Variants in MBNL2 observed in about 807,000 individuals in gnomAD.
The protein encoded by MBNL2 is muscleblind-like protein 2.
Under a neutral mutation model 41.9 loss-of-function variants are expected in MBNL2, and 17 were observed. The ratio of observed to expected loss-of-function variants is 0.41; its 90% CI spans 0.28 to 0.61. The LOEUF (loss-of-function observed/expected upper bound fraction) is 0.61. Among genes scored for constraint, MBNL2 ranks in the 20% least tolerant of loss-of-function variants. The pLI, the probability that MBNL2 is intolerant of heterozygous loss-of-function variation, is 0.35. For missense variants in MBNL2, 336 were observed against 505.6 expected, an observed-to-expected ratio of 0.66 and a Z score of 3.22; for synonymous variants, 195 against 182.9, an observed-to-expected ratio of 1.07 and a Z score of -0.53.
At chr13:97,329,265 G>A (rs912921862) in intron 2 of MBNL2, among the ~76,000 whole-genome samples, 3 of 151,980 alleles carry the variant, frequency 2.0e-5, no homozygotes, top group African/African-American at 4.8e-5. Flanking sequence ...ATCCAATGTC[G>A]ACTCCATCAG....
intron 8 of MBNL2, among the ~76,000 whole-genome samples, chr13:97,379,018 T>C (rs1015531910): frequency 2.0e-5 from 3 of 152,212 alleles, no homozygotes; most frequent in African/African-American, 7.2e-5. Flanking sequence ...ATCCTGTTCT[T>C]TTGTGAACCC....
At chr13:97,313,444 T>G (rs1180215626) in intron 2 of MBNL2, among the ~76,000 whole-genome samples, 1 of 152,210 alleles carries the variant, frequency 6.6e-6, no homozygotes, top group Non-Finnish European at 1.5e-5. Context: ...CCCATCAAAT[T>G]TTTTAAAAAA....
intron 2 of MBNL2, among the ~76,000 whole-genome samples, chr13:97,308,002 TTG>T (rs1388131040): frequency 6.6e-6 from 1 of 152,262 alleles, no homozygotes; most frequent in Admixed American, 6.5e-5. Flanking sequence ...CTTTCTGGAA[TTG>T]TGTTTCTCTT....
chr13:97,388,351 A>G (rs1445303103), intron 8 of MBNL2, among the ~76,000 whole-genome samples: 4 of 150,750 alleles, frequency 2.7e-5, no homozygotes, highest in Non-Finnish European at 5.9e-5. Flanking sequence ...GGTATGGGAG[A>G]AAATCTCTGA....
At chr13:97,157,927 A>T in the MBNL2 span, among the ~76,000 whole-genome samples, 2 of 150,142 alleles carry the variant, frequency 1.3e-5, no homozygotes, top group Non-Finnish European at 3.0e-5. Context: ...GTTAGGGAGG[A>T]TTCCCTCTTT....
chr13:97,357,185 C>G (rs960501977), intron 6 of MBNL2, among the ~76,000 whole-genome samples: 2 of 152,152 alleles, frequency 1.3e-5, no homozygotes, highest in African/African-American at 4.8e-5. Flanking sequence ...TTCGTCCCCC[C>G]TTAGAATAGT....
In MBNL2 at chr13:97,334,142, G is replaced by GCACACCCA; in HGVS notation, c.175-128_175-121dup. 2 of 371,912 alleles carry GCACACCCA rather than the reference G, an allele frequency of 5.4e-6. No homozygotes were observed. Among genetic ancestry groups the GCACACCCA allele is most frequent in the Admixed American group, 6.2e-5 (1 of 16,092 alleles). 23.0% of individuals were successfully genotyped at this position (371,912 alleles called of 1,614,324 possible). On this transcript the variant is annotated intron_variant, in intron 2 of 8. Coordinates refer to ENST00000679496, the MANE Select transcript of MBNL2 (RefSeq NM_001382683.1). The surrounding 1 kb of genome is among the most constrained non-coding windows in gnomAD (Gnocchi z 5.3). Reference sequence around the variant, plus strand: ...CCAACAAACACATGAGCATGCGCGCGCACACCCACACACACACACACACAC... The same window carrying GCACACCCA: ...CCAACAAACACATGAGCATGCGCGCGCACACCCACACACCCACACACACACACACACAC...
chr13:97,228,944 T>A (rs2042027818), intron 1 of MBNL2, among the ~76,000 whole-genome samples: 1 of 151,626 alleles, frequency 6.6e-6, no homozygotes, highest in Non-Finnish European at 1.5e-5. Context: ...AAAGTAGAAA[T>A]AGTAGTCCTC....
chr13:97,185,814 A>T, the MBNL2 span, among the ~76,000 whole-genome samples: 93 of 152,386 alleles, frequency 6.1e-4, no homozygotes, highest in Middle Eastern at 6.8e-3. Flanking sequence ...AATTCATCAC[A>T]GCAGCCACAG....
At chr13:97,260,363 G>A (rs1221357298) in intron 1 of MBNL2, among the ~76,000 whole-genome samples, 1 of 152,146 alleles carries the variant, frequency 6.6e-6, no homozygotes, top group African/African-American at 2.4e-5. Flanking sequence ...CCCGCTCTGT[G>A]AGGTGGGGAG....
At chr13:97,215,087 G>A in the MBNL2 span, among the ~76,000 whole-genome samples, 2 of 152,190 alleles carry the variant, frequency 1.3e-5, no homozygotes, top group Non-Finnish European at 2.9e-5. Flanking sequence ...CATCTCCAAC[G>A]CTTGGAGGAT....
At chr13:97,169,102 C>A in the MBNL2 span, among the ~76,000 whole-genome samples, 2 of 152,146 alleles carry the variant, frequency 1.3e-5, no homozygotes, top group African/African-American at 2.4e-5. Context: ...ACAGGGTGTG[C>A]TCAGAGATGC....
chr13:97,263,120 C>G (rs764265630), intron 1 of MBNL2, among the ~76,000 whole-genome samples: 7 of 152,038 alleles, frequency 4.6e-5, no homozygotes, highest in Admixed American at 1.3e-4. Context: ...ATTTCCTACA[C>G]GCCTCATTCC....
At chr13:97,351,122 A>G (rs1566434957) in intron 5 of MBNL2, among the ~76,000 whole-genome samples, 1 of 152,210 alleles carries the variant, frequency 6.6e-6, no homozygotes, top group Non-Finnish European at 1.5e-5. Context: ...CTCCTTGTAC[A>G]TCTCCACTGG....
At chr13:97,180,731 G>A in the MBNL2 span, among the ~76,000 whole-genome samples, 1 of 112,610 alleles carries the variant, frequency 8.9e-6, no homozygotes, top group African/African-American at 3.6e-5. Context: ...GACAGAGTGA[G>A]ACTCCATCTA....
At chr13:97,375,457 A>G (rs942941094) in intron 8 of MBNL2, among the ~76,000 whole-genome samples, 2 of 152,174 alleles carry the variant, frequency 1.3e-5, no homozygotes, top group African/African-American at 2.4e-5. Flanking sequence ...AGGGGTGTGT[A>G]GGAATGAGAC....
rs1555307692 is a variant in MBNL2 at position 97,268,100 on chromosome 13, C to CCTTCCTTTCTTT, written c.-604-7529_-604-7528insCCTTTCTTTCTT. ...TCCTTCCTTCCTTCCTTCCTTCCTT[C>CCTTCCTTTCTTT]CTTTCTTTCTTTTGAGACAGCGTCG... is the stretch of plus-strand genomic sequence containing the variant. On this transcript the variant is annotated intron_variant, in intron 1 of 8. Transcript: ENST00000679496. This position sits in a 1 kb window ranked among gnomAD's most constrained non-coding sequence, Gnocchi z 4.6. Among the ~76,000 whole-genome samples, 1 of 145,100 alleles carries CCTTCCTTTCTTT rather than the reference C, an allele frequency of 6.9e-6. No individual in the cohort carries two copies. The highest frequency in any genetic ancestry group is 1.5e-5 in the Non-Finnish European group (1 of 67,674).
At chr13:97,227,388 GGCC>G (rs1007042721) in intron 1 of MBNL2, among the ~76,000 whole-genome samples, 22 of 152,244 alleles carry the variant, frequency 1.4e-4, no homozygotes, top group Non-Finnish European at 2.6e-4. Context: ...AAAATGCTGC[GGCC>G]GTTTGCAATC....
At chr13:97,265,683 A>G (rs1403572839) in intron 1 of MBNL2, among the ~76,000 whole-genome samples, 1 of 152,130 alleles carries the variant, frequency 6.6e-6, no homozygotes, top group East Asian at 1.9e-4. Context: ...ATGCATGTGG[A>G]TGTCTCAAGA....
Sources: allele counts gnomAD v4.1 joint callset (sites outside exome capture counted in the v4.1 genomes callset), GRCh38; gene constraint gnomAD v4.1.1; non-coding constraint Gnocchi (gnomAD v3.1); transcripts MANE v1.5; gene names NCBI Gene and HGNC (gene_info 2026-07-23, HGNC 2026-07-21).